Variants in CYP7B1 observed in about 807,000 individuals in gnomAD.
The protein encoded by CYP7B1 is cytochrome P450 7B1.
A neutral mutation model predicts 42.7 loss-of-function variants in CYP7B1; 29 were observed. That is an observed-to-expected ratio of 0.68 (90% confidence interval 0.51 to 0.93). The LOEUF is 0.93. Ranked by LOEUF, CYP7B1 falls within the 40% of genes least tolerant of loss-of-function variation. CYP7B1 has a pLI of 0.00. For synonymous variants in CYP7B1, 235 were observed against 218.2 expected, an observed-to-expected ratio of 1.08 and a Z score of -0.68; for missense variants, 655 against 600.5, an observed-to-expected ratio of 1.09 and a Z score of -0.95.
intron 4 of CYP7B1, among the ~76,000 whole-genome samples, chr8:64,614,717 A>C (rs1260973558): frequency 6.6e-6 from 1 of 152,202 alleles, no homozygotes; most frequent in Non-Finnish European, 1.5e-5. Context: ...GCAGTGTTGG[A>C]AAGCATTAGC....
chr8:64,652,343 C>T (rs191414023), intron 1 of CYP7B1, among the ~76,000 whole-genome samples: 12 of 152,206 alleles, frequency 7.9e-5, no homozygotes, highest in South Asian at 2.1e-4. Context: ...CTTTACAGAA[C>T]GCTCCACCCA....
intron 4 of CYP7B1, among the ~76,000 whole-genome samples, chr8:64,611,848 T>C (rs1226470836): frequency 6.6e-6 from 1 of 152,132 alleles, no homozygotes; most frequent in African/African-American, 2.4e-5. Flanking sequence ...TGAGGTAAGG[T>C]AGACTTGAGC....
Position 64,592,363 on chromosome 8 carries a change from G to A in CYP7B1, c.*4279C>T, listed in dbSNP as rs748886241. ...TACAGACCATTACTTTGGAATGACT[G>A]ATGGAAGGCTAGTTAGAACTAGTGA... On this transcript the variant is annotated 3_prime_UTR_variant, in exon 6 of 6. Coordinates refer to ENST00000310193, the MANE Select transcript of CYP7B1 (RefSeq NM_004820.5). Among the ~76,000 whole-genome samples, 1 of 152,198 alleles carries A rather than the reference G, an allele frequency of 6.6e-6. No homozygotes were observed. The highest frequency in any genetic ancestry group is 1.5e-5 in the Non-Finnish European group (1 of 68,036).
chr8:64,619,497 T>C (rs1225305771), intron 2 of CYP7B1, among the ~76,000 whole-genome samples: 5 of 152,196 alleles, frequency 3.3e-5, no homozygotes, highest in Non-Finnish European at 7.4e-5. Flanking sequence ...AATGTCAAAG[T>C]GGGGCTGATA....
At chr8:64,605,702 G>A (rs1476911948) in intron 4 of CYP7B1, among the ~76,000 whole-genome samples, 1 of 152,098 alleles carries the variant, frequency 6.6e-6, no homozygotes, top group East Asian at 1.9e-4. Context: ...AATCAAAACT[G>A]ACTATGTTTC....
intron 1 of CYP7B1, among the ~76,000 whole-genome samples, chr8:64,701,082 C>T (rs1238503057): frequency 1.3e-5 from 2 of 152,020 alleles, no homozygotes; most frequent in Admixed American, 6.6e-5. Flanking sequence ...CTGAGGAACA[C>T]GGTGGTATTT....
chr8:64,767,917 C>T (rs779453608), intron 1 of CYP7B1, among the ~76,000 whole-genome samples: 3 of 152,130 alleles, frequency 2.0e-5, no homozygotes, highest in Admixed American at 6.5e-5. Context: ...GCATCCCTCC[C>T]GAGGAAATCT....
chr8:64,703,550 A>C (rs1321007275), intron 1 of CYP7B1, among the ~76,000 whole-genome samples: 2 of 152,030 alleles, frequency 1.3e-5, no homozygotes, highest in South Asian at 2.1e-4. Context: ...GAAACATTAG[A>C]AATCCTCACA....
chr8:64,722,747 G>T (rs1199229786), intron 1 of CYP7B1, among the ~76,000 whole-genome samples: 1 of 107,960 alleles, frequency 9.3e-6, no homozygotes, highest in Non-Finnish European at 1.9e-5. Context: ...TTGCGGCGGG[G>T]GGGGGGGGGC....
rs1430636645 is a variant in CYP7B1, at chr8:64,594,520, G to A, written c.*2122C>T. Among the ~76,000 whole-genome samples, 1 of 152,134 alleles carries A rather than the reference G, an allele frequency of 6.6e-6. No homozygotes were observed. The highest frequency in any genetic ancestry group is 1.9e-4 in the East Asian group (1 of 5,186). On this transcript the variant is annotated 3_prime_UTR_variant, in exon 6 of 6. Transcript: ENST00000310193. ...CAAACACATTAGAATATTTGCCTAT[G>A]ATATTAGGAAGGGGTATGAAAGTGG...
intron 1 of CYP7B1, among the ~76,000 whole-genome samples, chr8:64,673,336 C>T (rs1806395166): frequency 6.6e-6 from 1 of 152,148 alleles, no homozygotes; most frequent in Admixed American, 6.6e-5. Flanking sequence ...CCTGTTTGAA[C>T]TTGATTTCAG....
intron 1 of CYP7B1, among the ~76,000 whole-genome samples, chr8:64,730,857 C>T (rs1807398277): frequency 6.6e-6 from 1 of 151,922 alleles, no homozygotes; most frequent in South Asian, 2.1e-4. Context: ...TCCCCACATA[C>T]TAGGGGAGGG....
rs377210240 is a variant in CYP7B1 at position 64,768,819 on chromosome 8, C to T, written c.122+29647G>A. ...TGACTTCACCATTAAAAATACTAAG[C>T]CAAACCACAGCAAACTAAAACAAAA... is the stretch of plus-strand genomic sequence containing the variant. On this transcript the variant is annotated intron_variant, in intron 1 of 5. Transcript: ENST00000310193. Among the ~76,000 whole-genome samples the T allele has an allele frequency of 4.3e-4, 66 of 152,224 alleles. 1 individual carries two copies. The South Asian group carries it at 0.014, about 32-fold the overall frequency.
At chr8:64,599,343 C>A (rs1270613405) in intron 5 of CYP7B1, among the ~76,000 whole-genome samples, 1 of 152,098 alleles carries the variant, frequency 6.6e-6, no homozygotes, top group Non-Finnish European at 1.5e-5. Flanking sequence ...CGCCCACCAC[C>A]ACGCCCGGCT....
chr8:64,715,041 C>T (rs1278697838), intron 1 of CYP7B1, among the ~76,000 whole-genome samples: 2 of 152,168 alleles, frequency 1.3e-5, no homozygotes, highest in Non-Finnish European at 2.9e-5. Flanking sequence ...GCTCCCAAGG[C>T]ACCCAACCCA....
At chr8:64,681,750 G>A (rs1806541973) in intron 1 of CYP7B1, among the ~76,000 whole-genome samples, 1 of 152,150 alleles carries the variant, frequency 6.6e-6, no homozygotes, top group Non-Finnish European at 1.5e-5. Context: ...GATGGCTGCA[G>A]CCCAGCCAAC....
At chr8:64,599,633 T>C (rs1805172375) in intron 5 of CYP7B1, among the ~76,000 whole-genome samples, 2 of 152,340 alleles carry the variant, frequency 1.3e-5, no homozygotes, top group South Asian at 4.1e-4. Flanking sequence ...ATTGTTGCAG[T>C]TGACTCCCCA....
In CYP7B1 at chr8:64,607,174, A is replaced by AT. The variant is rs8192901; in HGVS notation, c.1058-2318dup. On this transcript the variant is annotated intron_variant, in intron 4 of 5. Coordinates refer to ENST00000310193, the MANE Select transcript of CYP7B1 (RefSeq NM_004820.5). The stretch of plus-strand genomic sequence containing the variant: ...CAAGCAACAAATGAACATGACCCTC[A>AT]TTTTTTCCCCCTTCTCACACATGAG... 3.0e-4 allele frequency among the ~76,000 whole-genome samples: 45 copies of AT among 152,078 alleles called. 1 individual carries two copies. In the East Asian group the frequency reaches 7.7e-3, roughly 26 times the overall value.
intron 1 of CYP7B1, among the ~76,000 whole-genome samples, chr8:64,692,713 T>A (rs1219763279): frequency 6.6e-6 from 1 of 152,204 alleles, no homozygotes; most frequent in Non-Finnish European, 1.5e-5. Flanking sequence ...TTATCCATAT[T>A]TTTTATGAGA....
Sources: gnomAD v4.1 joint callset for allele counts (sites outside exome capture counted in the v4.1 genomes callset) on GRCh38, gnomAD v4.1.1 for gene constraint, MANE v1.5 for transcripts, NCBI Gene and HGNC (gene_info 2026-07-23, HGNC 2026-07-21) for gene names.